MYO3B: variants seen among roughly 807,000 people sequenced by gnomAD.
MYO3B encodes the protein myosin-IIIb.
In MYO3B, 156 loss-of-function variants were observed where a neutral mutation model predicts 174.6. That is an observed-to-expected ratio of 0.89 (90% CI 0.78 to 1.02). The LOEUF (loss-of-function observed/expected upper bound fraction) is 1.02, where lower values mean the gene tolerates loss of function less well. Among genes scored for constraint, MYO3B ranks in the 50% least tolerant of loss-of-function variants. MYO3B has a pLI of 0.00. For synonymous variants in MYO3B, 563 were observed against 569.1 expected, an observed-to-expected ratio of 0.99 and a Z score of 0.15; for missense variants, 1,632 against 1,639.4, an observed-to-expected ratio of 1.00 and a Z score of 0.08.
At chr2:170,550,078 C>T (rs1271086645) in intron 32 of MYO3B, among the ~76,000 whole-genome samples, 2 of 152,200 alleles carry the variant, frequency 1.3e-5, no homozygotes, top group Non-Finnish European at 2.9e-5. Context: ...ACACACAAGA[C>T]TGTATTCATT....
intron 23 of MYO3B, among the ~76,000 whole-genome samples, chr2:170,446,736 T>G (rs894381840): frequency 3.3e-5 from 5 of 152,260 alleles, no homozygotes; most frequent in South Asian, 2.1e-4. Flanking sequence ...TATTGTTTCC[T>G]CACCCATCAA....
chr2:170,208,312 T>A (rs1023259865), intron 3 of MYO3B, among the ~76,000 whole-genome samples: 1 of 152,160 alleles, frequency 6.6e-6, no homozygotes, highest in Non-Finnish European at 1.5e-5. Flanking sequence ...TGAGTCCTCC[T>A]CCAACAAGGG....
At chr2:170,482,882 T>C (rs1343054455) in intron 25 of MYO3B, among the ~76,000 whole-genome samples, 2 of 152,254 alleles carry the variant, frequency 1.3e-5, no homozygotes, top group African/African-American at 4.8e-5. Flanking sequence ...CTTATTCTTA[T>C]GGGGCAGGAT....
chr2:170,378,175 G>A (rs1382330790), intron 9 of MYO3B, among the ~76,000 whole-genome samples: 2 of 152,076 alleles, frequency 1.3e-5, no homozygotes, highest in Non-Finnish European at 2.9e-5. Context: ...CAAAGTCTAG[G>A]AAAATGTTTT....
intron 32 of MYO3B, among the ~76,000 whole-genome samples, chr2:170,616,387 G>C (rs927675363): frequency 3.3e-5 from 5 of 152,094 alleles, no homozygotes; most frequent in African/African-American, 1.2e-4. Flanking sequence ...CTGACTGCAC[G>C]TCCATTCATA....
chr2:170,354,822 G>A (rs2094107398), intron 8 of MYO3B, among the ~76,000 whole-genome samples: 1 of 151,956 alleles, frequency 6.6e-6, no homozygotes, highest in South Asian at 2.1e-4. Flanking sequence ...TAATGGAGGA[G>A]TTTTAAGGAC....
intron 1 of MYO3B, 44 bp downstream of exon 1, chr2:170,178,333 T>C (rs1330366737): frequency 6.2e-7 from 1 of 1,611,484 alleles, no homozygotes; most frequent in Non-Finnish European, 8.5e-7. Flanking sequence ...CTGTGCTTGC[T>C]TTAGATTGTT....
chr2:170,392,087 C>T (rs576841708), intron 15 of MYO3B, among the ~76,000 whole-genome samples: 10 of 143,446 alleles, frequency 7.0e-5, no homozygotes, highest in East Asian at 6.2e-4. Flanking sequence ...CGTGCCACTG[C>T]GCTCCAGCCT....
chr2:170,459,948 C>G (rs35456883), intron 23 of MYO3B, among the ~76,000 whole-genome samples: 3 of 151,916 alleles, frequency 2.0e-5, no homozygotes, highest in Non-Finnish European at 4.4e-5. Flanking sequence ...TGCCCCCACC[C>G]GGAACTCATG....
In MYO3B at chr2:170,542,809, A is replaced by C. The variant is rs2106203734; in HGVS notation, c.3576-97A>C. The stretch of plus-strand genomic sequence containing the variant: ...GGGAAACCATGGAAGCATAAAAAGT[A>C]TGTTTTGATATATCTTTGAAGAAAA... On this transcript the variant is annotated intron_variant, in intron 30 of 34. Transcript: ENST00000408978. 6.6e-6 allele frequency: 6 copies of C among 908,542 alleles called. No individual in the cohort carries two copies. In the South Asian group the frequency reaches 1.1e-4, roughly 17 times the overall value. 56.3% of individuals were successfully genotyped at this position (908,542 alleles called of 1,614,324 possible).
intron 23 of MYO3B, among the ~76,000 whole-genome samples, chr2:170,457,151 CAGTG>C (rs1683954245): frequency 6.6e-6 from 1 of 152,144 alleles, no homozygotes; most frequent in South Asian, 2.1e-4. Context: ...CTGGGTGAGT[CAGTG>C]AGTGTGTGGC....
chr2:170,491,843 C>G (rs1373287225), intron 25 of MYO3B, among the ~76,000 whole-genome samples: 4 of 152,116 alleles, frequency 2.6e-5, no homozygotes, highest in Admixed American at 2.6e-4. Flanking sequence ...CACTTGAAGT[C>G]AGGAGTTCAA....
chr2:170,350,937 T>C (rs1212607865), intron 8 of MYO3B: 3 of 152,126 alleles, frequency 2.0e-5, no homozygotes, highest in African/African-American at 7.2e-5. Flanking sequence ...GTTTATACTT[T>C]TCCAAACACA....
At chr2:170,363,039 CCTT>C (rs1318987236) in intron 8 of MYO3B, among the ~76,000 whole-genome samples, 176 of 152,200 alleles carry the variant, frequency 1.2e-3, no homozygotes, top group African/African-American at 4.0e-3. Flanking sequence ...TGTCAGTCAG[CCTT>C]CTGTTTGACG....
chr2:170,575,490 T>C (rs1692729842), intron 32 of MYO3B, among the ~76,000 whole-genome samples: 1 of 152,194 alleles, frequency 6.6e-6, no homozygotes, highest in South Asian at 2.1e-4. Flanking sequence ...CCAGTAAAAC[T>C]TTATTTCTGT....
At chr2:170,623,228 G>C (rs1696091607) in intron 32 of MYO3B, among the ~76,000 whole-genome samples, 1 of 152,126 alleles carries the variant, frequency 6.6e-6, no homozygotes, top group African/African-American at 2.4e-5. Flanking sequence ...ATCCTCTCCA[G>C]CACCTGTTGT....
chr2:170,354,651 GT>G (rs2094105987), intron 8 of MYO3B, among the ~76,000 whole-genome samples: 1 of 152,158 alleles, frequency 6.6e-6, no homozygotes, highest in African/African-American at 2.4e-5. Context: ...GGGAACATGT[GT>G]TGGTTGCCTG....
intron 32 of MYO3B, among the ~76,000 whole-genome samples, chr2:170,569,329 A>AT (rs1692273604): frequency 6.6e-6 from 1 of 152,062 alleles, no homozygotes; most frequent in South Asian, 2.1e-4. Context: ...ATACTCAAAT[A>AT]TATGTTCTTC....
chr2:170,539,882 G>C (rs898874867), intron 30 of MYO3B, among the ~76,000 whole-genome samples: 1 of 151,900 alleles, frequency 6.6e-6, no homozygotes, highest in African/African-American at 2.4e-5. Context: ...TCAACCTCCC[G>C]AAGTGCTAGG....
Sources: allele counts gnomAD v4.1 joint callset (sites outside exome capture counted in the v4.1 genomes callset), GRCh38; gene constraint gnomAD v4.1.1; transcripts MANE v1.5; gene names NCBI Gene and HGNC (gene_info 2026-07-23, HGNC 2026-07-21).